CD99L2: variants seen among roughly 807,000 people sequenced by gnomAD.
The protein encoded by CD99L2 is CD99 antigen-like protein 2.
A neutral mutation model predicts 27.3 loss-of-function variants in CD99L2; 24 were observed. That is an observed-to-expected ratio of 0.88 (90% confidence interval 0.64 to 1.24). The LOEUF (loss-of-function observed/expected upper bound fraction) is 1.24, where lower values mean the gene tolerates loss of function less well. Ranked by LOEUF, CD99L2 falls within the 50% of genes most tolerant of loss-of-function variation. The pLI is 0.00. For missense variants in CD99L2, 255 were observed against 221.6 expected (o/e 1.15, Z -0.96); for synonymous variants, 97 against 87.9 (o/e 1.10, Z -0.58).
intron 9 of CD99L2, among the ~76,000 whole-genome samples, chrX:150,775,642 G>A (rs2043537293): frequency 8.9e-6 from 1 of 112,444 alleles, no homozygotes; most frequent in Admixed American, 9.3e-5. Context: ...TACAGTTTGT[G>A]GCTCGTAGGG....
intron 1 of CD99L2, among the ~76,000 whole-genome samples, chrX:150,861,761 C>A (rs182084996): frequency 1.9e-3 from 209 of 110,392 alleles, no homozygotes; most frequent in African/African-American, 6.2e-3. Flanking sequence ...AAAAAATTAG[C>A]TGGGCGTAGT....
rs1218396857 is a variant in CD99L2, at chrX:150,768,884, C to G, written c.*150G>C. On this transcript the variant is annotated 3_prime_UTR_variant, in exon 11 of 11. Coordinates refer to ENST00000370377, the MANE Select transcript of CD99L2 (RefSeq NM_031462.4). Reference sequence around the variant, plus strand: ...GGGCAGGGCAGAGAAACCAAACTCACAAACACCCAGAGCTCATCCGGGAAA... The same window carrying G: ...GGGCAGGGCAGAGAAACCAAACTCAGAAACACCCAGAGCTCATCCGGGAAA... The G allele has an allele frequency of 2.9e-6, 3 of 1,036,803 alleles. No individual in the cohort carries two copies. The highest frequency in any genetic ancestry group is 3.3e-5 in the South Asian group (1 of 30,109). 85.4% of individuals were successfully genotyped at this position (1,036,803 alleles called of 1,213,427 possible).
At chrX:150,777,719 C>G (rs2045423837) in intron 7 of CD99L2, among the ~76,000 whole-genome samples, 2 of 112,439 alleles carry the variant, frequency 1.8e-5, no homozygotes, top group South Asian at 3.6e-4. Flanking sequence ...ATGGCAGCCA[C>G]CTTGCCCTGA....
At chrX:150,873,881 G>A (rs2047193052) in intron 1 of CD99L2, among the ~76,000 whole-genome samples, 1 of 112,319 alleles carries the variant, frequency 8.9e-6, no homozygotes, top group Admixed American at 9.4e-5. Context: ...GGACCAGGGT[G>A]CCCTGCTTGA....
intron 2 of CD99L2, among the ~76,000 whole-genome samples, chrX:150,821,935 C>T (rs1271033493): frequency 8.9e-6 from 1 of 111,858 alleles, no homozygotes; most frequent in Non-Finnish European, 1.9e-5. Context: ...ATGTAAAATG[C>T]TTCAGCCACT....
At chrX:150,793,854 GTTCCACTTAAGAA>G in intron 6 of CD99L2, 98 bp from the exon 7 acceptor site, 1 of 677,137 alleles carries the variant, frequency 1.5e-6, no homozygotes, top group Non-Finnish European at 2.2e-6. Flanking sequence ...ATGATTCCCA[GTTCCACTTAAGAA>G]TGCCCTTCAT....
At chrX:150,890,532 C>T (rs2047494979) in intron 1 of CD99L2, among the ~76,000 whole-genome samples, 2 of 111,788 alleles carry the variant, frequency 1.8e-5, no homozygotes, top group Admixed American at 1.9e-4. Context: ...AAAAAACAAA[C>T]CAACAAACAA....
At chrX:150,783,870 G>T (rs2045554138) in intron 7 of CD99L2, among the ~76,000 whole-genome samples, 1 of 111,909 alleles carries the variant, frequency 8.9e-6, no homozygotes, top group Admixed American at 9.4e-5. Context: ...TCTCTGCAGT[G>T]CATGGAGGGT....
chrX:150,824,004 A>G (rs868972835), intron 2 of CD99L2, among the ~76,000 whole-genome samples: 50 of 102,413 alleles, frequency 4.9e-4, no homozygotes, highest in African/African-American at 1.5e-3. Context: ...AAGAAGAAGA[A>G]GAGGAGGAGG....
chrX:150,856,930 CAG>C (rs2046899440), intron 1 of CD99L2, among the ~76,000 whole-genome samples: 1 of 108,713 alleles, frequency 9.2e-6, no homozygotes, highest in African/African-American at 3.3e-5. Context: ...ATGAACTAAA[CAG>C]AAATTCTGGA....
chrX:150,818,053 T>TAATAATTTTAAATAAAAAAAAAA (rs782545494), intron 2 of CD99L2, among the ~76,000 whole-genome samples: 38 of 106,722 alleles, frequency 3.6e-4, no homozygotes, highest in African/African-American at 1.3e-3. Context: ...GAGGAAGACA[T>TAATAATTTTAAATAAAAAAAAAA]AATAATTTTA....
chrX:150,774,995 C>T (rs1345878420), intron 9 of CD99L2, among the ~76,000 whole-genome samples: 1 of 112,781 alleles, frequency 8.9e-6, no homozygotes, highest in Admixed American at 9.3e-5. Flanking sequence ...GCAGGCTGCG[C>T]ACTGACATGT....
At chrX:150,787,784 T>A (rs1050885038) in intron 7 of CD99L2, among the ~76,000 whole-genome samples, 1 of 99,963 alleles carries the variant, frequency 1.0e-5, no homozygotes, top group African/African-American at 3.6e-5. Flanking sequence ...CTAGGAGATA[T>A]ACCTAATGTA....
chrX:150,851,776 T>C (rs1458489890), intron 1 of CD99L2, among the ~76,000 whole-genome samples: 4 of 111,710 alleles, frequency 3.6e-5, no homozygotes, highest in Non-Finnish European at 5.6e-5. Context: ...TTTCAAAGTA[T>C]ATCACTCCAA....
intron 2 of CD99L2, among the ~76,000 whole-genome samples, chrX:150,817,706 G>C (rs2046183370): frequency 9.0e-6 from 1 of 111,585 alleles, no homozygotes; most frequent in South Asian, 3.7e-4. Context: ...AATAAGTTGA[G>C]GTCAGGTGTA....
chrX:150,848,102 G>T (rs2046728911), intron 1 of CD99L2, among the ~76,000 whole-genome samples: 1 of 99,649 alleles, frequency 1.0e-5, no homozygotes, highest in Non-Finnish European at 2.0e-5. Flanking sequence ...GCCTAACTAT[G>T]GCCTGCAGGC....
intron 4 of CD99L2, among the ~76,000 whole-genome samples, chrX:150,808,514 A>T (rs1343792512): frequency 2.7e-5 from 3 of 111,689 alleles, no homozygotes; most frequent in Non-Finnish European, 5.6e-5. Flanking sequence ...GTCCTAGATA[A>T]ACATGGTAGA....
intron 1 of CD99L2, among the ~76,000 whole-genome samples, chrX:150,894,965 C>T (rs1295119152): frequency 2.7e-5 from 3 of 111,684 alleles, no homozygotes; most frequent in Admixed American, 9.6e-5. Flanking sequence ...TGTGTTCATG[C>T]CTTCTGCTCT....
Position 150,814,864 on chromosome X carries a change from C to G in CD99L2, c.275G>C (p.Arg92Thr). ...AGTTTCAACCAGCAAAGACTTACCT[C>G]TTCCTCCTATACCCGGTTTCCTGCG... ...DGRRKPGIGG[R>T]ERWNHVTTTT... The change falls in exon 4 of 11, where the codon AGA (arginine) becomes ACA (threonine). Residue 92 changes from arginine to threonine, a missense_variant and splice_region_variant. By Grantham distance (71) the Arg-to-Thr change is moderately conservative. Transcript: ENST00000370377. 1 of 1,207,204 alleles carries G rather than the reference C, an allele frequency of 8.3e-7. No individual in the cohort carries two copies. Among genetic ancestry groups the G allele is most frequent in the Non-Finnish European group, 1.1e-6 (1 of 891,483 alleles).
Sources: allele counts gnomAD v4.1 joint callset (sites outside exome capture counted in the v4.1 genomes callset), GRCh38; gene constraint gnomAD v4.1.1; transcripts MANE v1.5; gene names NCBI Gene and HGNC (gene_info 2026-07-23, HGNC 2026-07-21).